The following PRKCE variants were observed in gnomAD, a reference collection of about 807,000 sequenced individuals.
PRKCE encodes the protein protein kinase C epsilon, also known as protein kinase C epsilon type.
In PRKCE, 16 loss-of-function variants were observed where a neutral mutation model predicts 85.4. The observed-to-expected ratio is 0.19, with a 90% CI of 0.13 to 0.28. PRKCE has a LOEUF of 0.28. PRKCE is among the 10% of genes least tolerant of loss of function. PRKCE has a pLI of 1.00. For synonymous variants in PRKCE, 388 were observed against 371.5 expected (o/e 1.04, Z -0.51); for missense variants, 573 against 975.2 (o/e 0.59, Z 5.49).
intron 10 of PRKCE, among the ~76,000 whole-genome samples, chr2:46,082,502 G>C (rs1285889125): frequency 6.6e-6 from 1 of 152,106 alleles, no homozygotes; most frequent in African/African-American, 2.4e-5. Flanking sequence ...GAGTGCCTTT[G>C]GGGCATCTGG....
At chr2:46,021,324 G>T (rs568172313) in intron 10 of PRKCE, among the ~76,000 whole-genome samples, 1 of 152,338 alleles carries the variant, frequency 6.6e-6, no homozygotes, top group South Asian at 2.1e-4. Context: ...TGAAGATATT[G>T]TGGGAAATGA....
At chr2:46,167,239 C>T (rs1355074507) in intron 14 of PRKCE, among the ~76,000 whole-genome samples, 1 of 152,188 alleles carries the variant, frequency 6.6e-6, no homozygotes, top group East Asian at 1.9e-4. Flanking sequence ...AAAGTCACCA[C>T]TTCTCTCTGA....
At chr2:46,061,306 T>C (rs555124909) in intron 10 of PRKCE, among the ~76,000 whole-genome samples, 1 of 152,002 alleles carries the variant, frequency 6.6e-6, no homozygotes, top group Admixed American at 6.5e-5. Flanking sequence ...GATGGGGTTT[T>C]ACCATGTTGC....
At chr2:46,086,154 G>A in intron 10 of PRKCE, 54 bp from the exon 11 acceptor site, 2 of 1,571,456 alleles carry the variant, frequency 1.3e-6, no homozygotes, top group South Asian at 1.1e-5. Context: ...AAGCTGGCCT[G>A]TGTGGGCAGC....
In PRKCE at chr2:45,653,801, TG is replaced by T. The variant is rs146122910; in HGVS notation, c.348+1354del. On this transcript the variant is annotated intron_variant, in intron 1 of 14. Transcript: ENST00000306156. ...AGCCACATGCGTAGAACTCTAGATT[TG>T]TGGTTTGCACTTTGGAAAGCAGGCA... Among the ~76,000 whole-genome samples the T allele has an allele frequency of 2.8e-4, 42 of 152,344 alleles. No individual in the cohort carries two copies. In the East Asian group the frequency reaches 6.2e-3, roughly 22 times the overall value.
intron 10 of PRKCE, among the ~76,000 whole-genome samples, chr2:46,072,633 A>G (rs1271968939): frequency 6.6e-6 from 1 of 152,222 alleles, no homozygotes; most frequent in African/African-American, 2.4e-5. Context: ...AGTATCAACT[A>G]AACAGTAAAT....
intron 11 of PRKCE, among the ~76,000 whole-genome samples, chr2:46,119,399 C>G (rs1169287311): frequency 6.6e-6 from 1 of 151,666 alleles, no homozygotes; most frequent in Non-Finnish European, 1.5e-5. Context: ...GTCACTTAAT[C>G]TTTATAAATA....
At chr2:45,813,802 A>G (rs1159118638) in intron 1 of PRKCE, among the ~76,000 whole-genome samples, 1 of 152,208 alleles carries the variant, frequency 6.6e-6, no homozygotes, top group African/African-American at 2.4e-5. Flanking sequence ...ATTTGTCAGG[A>G]ATCGTTGAGC....
At chr2:46,040,188 G>A (rs1708136724) in intron 10 of PRKCE, among the ~76,000 whole-genome samples, 1 of 152,138 alleles carries the variant, frequency 6.6e-6, no homozygotes, top group Non-Finnish European at 1.5e-5. Flanking sequence ...GGTGCCTAGG[G>A]GATGTTAACT....
At chr2:46,172,356 A>T (rs1678994108) in intron 14 of PRKCE, among the ~76,000 whole-genome samples, 1 of 152,224 alleles carries the variant, frequency 6.6e-6, no homozygotes. Flanking sequence ...TGGATGGACA[A>T]TGTGGACTCA....
At chr2:45,831,953 C>T (rs1416683485) in intron 1 of PRKCE, among the ~76,000 whole-genome samples, 1 of 152,114 alleles carries the variant, frequency 6.6e-6, no homozygotes, top group Non-Finnish European at 1.5e-5. Flanking sequence ...GAAAAAAGAT[C>T]TTATCCTTTA....
intron 2 of PRKCE, among the ~76,000 whole-genome samples, chr2:45,969,973 C>T (rs549016285): frequency 1.3e-5 from 2 of 152,206 alleles, no homozygotes; most frequent in African/African-American, 4.8e-5. Flanking sequence ...CAAGTCATTT[C>T]TGTTTGTTGG....
chr2:45,709,830 G>C (rs1386910718), intron 1 of PRKCE, among the ~76,000 whole-genome samples: 1 of 151,706 alleles, frequency 6.6e-6, no homozygotes, highest in African/African-American at 2.4e-5. Flanking sequence ...TTGTTTGTTT[G>C]AGACAGTCTC....
intron 10 of PRKCE, among the ~76,000 whole-genome samples, chr2:46,013,464 G>A (rs1705858689): frequency 6.6e-6 from 1 of 152,232 alleles, no homozygotes; most frequent in East Asian, 1.9e-4. Flanking sequence ...CTACGATCTA[G>A]TGGAAGAAGT....
chr2:45,885,273 A>T (rs1469740837), intron 2 of PRKCE, among the ~76,000 whole-genome samples: 2 of 152,066 alleles, frequency 1.3e-5, no homozygotes, highest in Non-Finnish European at 2.9e-5. Flanking sequence ...ATTTAATCAC[A>T]CCATGTGACT....
intron 1 of PRKCE, among the ~76,000 whole-genome samples, chr2:45,802,307 G>T (rs1340860759): frequency 6.6e-6 from 1 of 152,080 alleles, no homozygotes; most frequent in Non-Finnish European, 1.5e-5. Context: ...TATGCATTTG[G>T]TTAAATCTTA....
intron 2 of PRKCE, among the ~76,000 whole-genome samples, chr2:45,945,179 G>A (rs577467751): frequency 6.6e-6 from 1 of 152,316 alleles, no homozygotes; most frequent in South Asian, 2.1e-4. Flanking sequence ...TTCTTGCCTT[G>A]CTATAAAGGA....
intron 11 of PRKCE, among the ~76,000 whole-genome samples, chr2:46,133,529 G>T (rs1674664846): frequency 6.6e-6 from 1 of 152,168 alleles, no homozygotes; most frequent in Admixed American, 6.6e-5. Flanking sequence ...CATAGTAGGG[G>T]CAAGTAGTCA....
intron 1 of PRKCE, among the ~76,000 whole-genome samples, chr2:45,671,479 C>T (rs1488966876): frequency 1.3e-5 from 2 of 152,278 alleles, no homozygotes; most frequent in Admixed American, 6.5e-5. Flanking sequence ...TACCATTATC[C>T]ATTTATGCAT....
Sources: allele counts gnomAD v4.1 joint callset (sites outside exome capture counted in the v4.1 genomes callset), GRCh38; gene constraint gnomAD v4.1.1; transcripts MANE v1.5; gene names NCBI Gene and HGNC (gene_info 2026-07-23, HGNC 2026-07-21).